Variants in FXR1 observed in about 807,000 individuals in gnomAD.
The protein encoded by FXR1 is FMR1 autosomal homolog 1, also known as RNA-binding protein FXR1.
A neutral mutation model predicts 84.0 loss-of-function variants in FXR1; 15 were observed. That is an observed-to-expected ratio of 0.18 (90% CI 0.12 to 0.27). The LOEUF (loss-of-function observed/expected upper bound fraction) is 0.27, where lower values mean the gene tolerates loss of function less well. FXR1 is among the 10% of genes least tolerant of loss of function. FXR1 has a pLI of 1.00. For synonymous variants in FXR1, 245 were observed against 250.7 expected (o/e 0.98, Z 0.21); for missense variants, 480 against 774.4 (o/e 0.62, Z 4.51).
At chr3:180,928,717 C>T (rs543685262) in intron 1 of FXR1, among the ~76,000 whole-genome samples, 5 of 152,158 alleles carry the variant, frequency 3.3e-5, no homozygotes, top group African/African-American at 1.2e-4. Context: ...TATTTTACAG[C>T]TGCCTGTTGT....
At chr3:180,936,843 A>G (rs1720577709) in intron 3 of FXR1, among the ~76,000 whole-genome samples, 1 of 152,204 alleles carries the variant, frequency 6.6e-6, no homozygotes. Context: ...CAGAATTTTT[A>G]AATGGCAGTA....
intron 1 of FXR1, among the ~76,000 whole-genome samples, chr3:180,926,502 A>ATTTTTT (rs200360717): frequency 1.2e-4 from 6 of 48,930 alleles, no homozygotes; most frequent in African/African-American, 5.6e-4. Context: ...ATATATATAT[A>ATTTTTT]TATATTTTTT....
At chr3:180,951,858 A>G (rs909268459) in intron 8 of FXR1, among the ~76,000 whole-genome samples, 24 of 152,234 alleles carry the variant, frequency 1.6e-4, no homozygotes, top group African/African-American at 5.8e-4. Context: ...ATACTTCGTC[A>G]CTGGTTAATC....
In FXR1 at chr3:180,940,756, G is replaced by T. The variant is rs524005; in HGVS notation, c.198+5525G>T. On this transcript the variant is annotated intron_variant, in intron 3 of 16. Coordinates refer to ENST00000357559, the MANE Select transcript of FXR1 (RefSeq NM_005087.4). ...CACACCCAGCTAATTTTGTATTTTT[G>T]GTAGAGACGGGTTTTCTCCACATTG... Among the ~76,000 whole-genome samples, 3 of 151,602 alleles carry T rather than the reference G, an allele frequency of 2.0e-5. No homozygotes were observed. In the South Asian group the frequency reaches 6.2e-4, roughly 31 times the overall value.
intron 11 of FXR1, among the ~76,000 whole-genome samples, chr3:180,961,951 C>A (rs944178246): frequency 2.6e-5 from 4 of 152,142 alleles, no homozygotes; most frequent in African/African-American, 9.7e-5. Context: ...CCAGGAGTGA[C>A]ATTGGGCTTC....
chr3:180,940,391 TAC>T (rs1426976165), intron 3 of FXR1, among the ~76,000 whole-genome samples: 1 of 152,198 alleles, frequency 6.6e-6, no homozygotes, highest in Middle Eastern at 3.2e-3. Flanking sequence ...GGGTATCTAG[TAC>T]AGTGTTTTGG....
At chr3:180,939,531 G>C (rs1278352212) in intron 3 of FXR1, among the ~76,000 whole-genome samples, 1 of 152,118 alleles carries the variant, frequency 6.6e-6, no homozygotes, top group Non-Finnish European at 1.5e-5. Flanking sequence ...GGAAAGTAGA[G>C]CTTCCATGAC....
intron 1 of FXR1, among the ~76,000 whole-genome samples, chr3:180,924,723 C>T (rs1291049830): frequency 1.3e-5 from 2 of 152,064 alleles, no homozygotes; most frequent in East Asian, 1.9e-4. Context: ...AACTCCTGAC[C>T]TCAGGTGATC....
At chr3:180,940,842 C>G (rs1036928379) in intron 3 of FXR1, among the ~76,000 whole-genome samples, 1 of 152,110 alleles carries the variant, frequency 6.6e-6, no homozygotes, top group African/African-American at 2.4e-5. Flanking sequence ...TCCCAAAGTG[C>G]CAGGATTACA....
At chr3:180,957,980 A>G (rs576038253) in intron 10 of FXR1, 52 bp downstream of exon 10, 2 of 776,040 alleles carry the variant, frequency 2.6e-6, no homozygotes, top group East Asian at 5.2e-5. Context: ...TTTTTGGCCA[A>G]CTTAATAGTT....
rs917607574 is a variant in FXR1, at chr3:180,980,254, A to G, written c.*3962A>G. ...GTATCCATCCCAGACATTTTCAACT[A>G]TGCTGAATGCAATCTATAAGATATT... On this transcript the variant is annotated 3_prime_UTR_variant, in exon 17 of 17. Transcript: ENST00000357559. The G allele has an allele frequency of 6.6e-6, 1 of 152,068 alleles. No homozygotes were observed. Among genetic ancestry groups the G allele is most frequent in the Non-Finnish European group, 1.5e-5 (1 of 67,966 alleles). The allele number at this position is 152,068 out of a possible 1,614,324, so 9.4% of individuals were successfully genotyped here. A position where few individuals can be genotyped will look rare whatever the true frequency, so the allele number is the denominator to read the frequency against.
chr3:180,944,203 G>A (rs1465651409), intron 3 of FXR1, among the ~76,000 whole-genome samples: 1 of 152,050 alleles, frequency 6.6e-6, no homozygotes, highest in Non-Finnish European at 1.5e-5. Flanking sequence ...GTGAGCCACC[G>A]CGCCCGGCCT....
intron 15 of FXR1, among the ~76,000 whole-genome samples, chr3:180,973,561 A>C (rs1713847966): frequency 6.6e-6 from 1 of 152,258 alleles, no homozygotes; most frequent in African/African-American, 2.4e-5. Flanking sequence ...ATGTAGACAT[A>C]ATAAAGTGGA....
intron 14 of FXR1, 70 bp downstream of exon 14, chr3:180,968,324 C>CTT: frequency 1.9e-6 from 2 of 1,027,796 alleles, no homozygotes; most frequent in South Asian, 2.8e-5. Flanking sequence ...GTTAATTCAT[C>CTT]TCCCAGGGCC....
In FXR1 at chr3:180,968,085, G is replaced by A. The variant is rs753832652; in HGVS notation, c.1233G>A (p.Thr411=). Residue 411 remains threonine (T), a synonymous_variant, in exon 14 of 17, where the codon ACG becomes ACA. Transcript: ENST00000357559. The part of the protein sequence containing the change: ...TNSELSNPSE[T]ESERKDELSD... The stretch of plus-strand genomic sequence containing the variant: ...CTGAGCTGTCTAACCCCTCTGAAAC[G>A]GAATCTGAGCGTAAAGACGAGCTGA... The A allele has an allele frequency of 6.2e-6, 10 of 1,613,216 alleles. No homozygotes were observed. Among genetic ancestry groups the A allele is most frequent in the Middle Eastern group, 1.6e-4 (1 of 6,082 alleles).
At chr3:180,963,269 C>T (rs556440188) in intron 13 of FXR1, among the ~76,000 whole-genome samples, 179 bp downstream of exon 13, 1 of 152,044 alleles carries the variant, frequency 6.6e-6, no homozygotes, top group South Asian at 2.1e-4. Flanking sequence ...ATTAAAATGA[C>T]AGTAAAATAT....
At chr3:180,914,757 C>A in intron 1 of FXR1, 1 of 923,588 alleles carries the variant, frequency 1.1e-6, no homozygotes, top group Non-Finnish European at 1.3e-6. Context: ...TAGACTTTGA[C>A]TCCATTACTC....
chr3:180,914,215 T>A (rs1717607989), intron 1 of FXR1, among the ~76,000 whole-genome samples: 1 of 152,190 alleles, frequency 6.6e-6, no homozygotes, highest in Non-Finnish European at 1.5e-5. Context: ...GAAATTTGAG[T>A]ACATAGTTAA....
rs1396247515 is a variant in FXR1 at position 180,912,718 on chromosome 3, T to C, written c.33T>C (p.Ser11=). 3 of 1,613,966 alleles carry C rather than the reference T, an allele frequency of 1.9e-6. No individual in the cohort carries two copies. In the African/African-American group the frequency reaches 4.0e-5, roughly 22 times the overall value. ...AGCTGACGGTGGAGGTTCGCGGCTC[T>C]AACGGGGCTTTCTACAAGGTACTGA... The part of the protein sequence containing the change: MAELTVEVRG[S]NGAFYKGFIK... The change falls in exon 1 of 17, where the codon TCT becomes TCC. Residue 11 remains serine, a synonymous_variant. Transcript: ENST00000357559.
Sources: allele counts gnomAD v4.1 joint callset (sites outside exome capture counted in the v4.1 genomes callset), GRCh38; gene constraint gnomAD v4.1.1; transcripts MANE v1.5; gene names NCBI Gene and HGNC (gene_info 2026-07-23, HGNC 2026-07-21).